ERG: variants seen among roughly 807,000 people sequenced by gnomAD.
ERG encodes transcriptional regulator ERG.
ERG carries 9 observed loss-of-function variants against 55.3 expected under a neutral mutation model. The observed-to-expected ratio is 0.16, with a 90% CI of 0.10 to 0.28. ERG has a LOEUF of 0.28. Ranked by LOEUF, ERG falls within the 10% of genes least tolerant of loss-of-function variation. The pLI, the probability that ERG is intolerant of heterozygous loss-of-function variation, is 1.00. For synonymous variants in ERG, 223 were observed against 237.3 expected, an observed-to-expected ratio of 0.94 and a Z score of 0.55; for missense variants, 434 against 631.6, an observed-to-expected ratio of 0.69 and a Z score of 3.35.
chr21:38,590,053 C>T (rs1359235518), intron 1 of ERG, among the ~76,000 whole-genome samples: 1 of 152,166 alleles, frequency 6.6e-6, no homozygotes, highest in Non-Finnish European at 1.5e-5. Flanking sequence ...TAGCTCAGCT[C>T]ATAGATCTCC....
chr21:38,524,227 T>C (rs1418204396), intron 2 of ERG, among the ~76,000 whole-genome samples: 11 of 152,186 alleles, frequency 7.2e-5, no homozygotes, highest in African/African-American at 2.7e-4. Context: ...CACATTTAAT[T>C]ACAGTGTCAA....
intron 1 of ERG, among the ~76,000 whole-genome samples, chr21:38,613,432 A>G (rs368532640): frequency 6.6e-6 from 1 of 152,334 alleles, no homozygotes; most frequent in East Asian, 1.9e-4. Flanking sequence ...AACTACTGTG[A>G]AAAGCAGTCC....
At chr21:38,378,884 C>T (rs187844158), downstream of ERG, among the ~76,000 whole-genome samples, 55 of 152,304 alleles carry the variant, frequency 3.6e-4, no homozygotes, top group African/African-American at 1.2e-3. Context: ...GCACCTCTTA[C>T]GCTGCAGAGC....
At chr21:38,510,691 T>G (rs1396020638) in intron 2 of ERG, among the ~76,000 whole-genome samples, 1 of 152,192 alleles carries the variant, frequency 6.6e-6, no homozygotes, top group Non-Finnish European at 1.5e-5. Context: ...CCATGGAAGT[T>G]GAGGCTAATC....
intron 2 of ERG, among the ~76,000 whole-genome samples, chr21:38,574,878 T>C (rs534848836): frequency 6.6e-6 from 1 of 152,370 alleles, no homozygotes; most frequent in Admixed American, 6.5e-5. Flanking sequence ...AGCACAGGTG[T>C]AGACAGCCTG....
chr21:38,487,027 C>T (rs373141640), intron 1 of ERG, among the ~76,000 whole-genome samples: 22 of 151,746 alleles, frequency 1.4e-4, no homozygotes, highest in East Asian at 1.4e-3. Flanking sequence ...CAGGGACCTG[C>T]GGTCTGGATC....
intron 1 of ERG, among the ~76,000 whole-genome samples, chr21:38,450,109 G>T (rs1601419269): frequency 6.6e-6 from 1 of 151,764 alleles, no homozygotes; most frequent in African/African-American, 2.4e-5. Flanking sequence ...AAAAAATCTT[G>T]GTTCGGGCAT....
chr21:38,455,917 G>A (rs1475224823), intron 1 of ERG, among the ~76,000 whole-genome samples: 3 of 147,002 alleles, frequency 2.0e-5, no homozygotes, highest in Non-Finnish European at 4.5e-5. Flanking sequence ...CAACATGCAC[G>A]TGCCAGGATG....
chr21:38,386,065 G>A (rs1028229611), intron 9 of ERG, among the ~76,000 whole-genome samples: 7 of 152,166 alleles, frequency 4.6e-5, no homozygotes, highest in South Asian at 2.1e-4. Flanking sequence ...TCTTATAAAC[G>A]TGTGTAGGAC....
intron 1 of ERG, among the ~76,000 whole-genome samples, chr21:38,643,282 A>G (rs1310683594): frequency 1.3e-5 from 2 of 152,198 alleles, no homozygotes; most frequent in African/African-American, 4.8e-5. Context: ...ACTACCTATA[A>G]TGGAAGATTT....
intron 2 of ERG, among the ~76,000 whole-genome samples, chr21:38,573,557 G>A (rs1323003404): frequency 1.3e-5 from 2 of 152,194 alleles, no homozygotes; most frequent in East Asian, 1.9e-4. Flanking sequence ...TCTGGCCTAT[G>A]TGCACATCCA....
intron 1 of ERG, among the ~76,000 whole-genome samples, chr21:38,461,504 C>T (rs2059042291): frequency 6.6e-6 from 1 of 152,190 alleles, no homozygotes. Flanking sequence ...TTCTTCACTG[C>T]TGTATCTCCC....
At chr21:38,606,647 A>G (rs1161019505) in intron 1 of ERG, among the ~76,000 whole-genome samples, 1 of 152,222 alleles carries the variant, frequency 6.6e-6, no homozygotes, top group Non-Finnish European at 1.5e-5. Flanking sequence ...AATTTAAACC[A>G]TAATAAAAAG....
intron 1 of ERG, among the ~76,000 whole-genome samples, chr21:38,596,055 TTGG>T (rs147813814): frequency 0.26 from 26,568 of 103,540 alleles, 3,146 homozygotes; most frequent in East Asian, 0.41. Context: ...TGGTGTGGGA[TTGG>T]GGGGGGGGGG....
intron 1 of ERG, among the ~76,000 whole-genome samples, chr21:38,470,304 T>C (rs2059128205): frequency 6.6e-6 from 1 of 152,054 alleles, no homozygotes; most frequent in Admixed American, 6.6e-5. Context: ...CTGGAGTTAA[T>C]TGAATTAAAG....
At chr21:38,649,653 T>G (rs1475442920) in intron 1 of ERG, among the ~76,000 whole-genome samples, 2 of 152,216 alleles carry the variant, frequency 1.3e-5, no homozygotes, top group African/African-American at 4.8e-5. Context: ...GAAACTGCAA[T>G]GCTTGAATGC....
At chr21:38,642,767 T>C (rs1240989230) in intron 1 of ERG, among the ~76,000 whole-genome samples, 2 of 152,168 alleles carry the variant, frequency 1.3e-5, no homozygotes, top group African/African-American at 4.8e-5. Context: ...TCAGCATCAT[T>C]GGTCAAAGGT....
intron 2 of ERG, among the ~76,000 whole-genome samples, chr21:38,444,052 T>G (rs2058866265): frequency 6.6e-6 from 1 of 152,246 alleles, no homozygotes; most frequent in African/African-American, 2.4e-5. Context: ...ACGTCCAGCC[T>G]TGCCGTTGAC....
rs113490320 is a variant in ERG at position 38,651,786 on chromosome 21, C to T, written c.-150+9872G>A. Among the ~76,000 whole-genome samples, 276 of 152,334 alleles carry T rather than the reference C, an allele frequency of 1.8e-3. 1 individual carries two copies. Among genetic ancestry groups the T allele is most frequent in the African/African-American group, 6.2e-3 (257 of 41,580 alleles). On this transcript the variant is annotated intron_variant, in intron 1 of 10. Coordinates refer to the ERG transcript ENST00000398910. Reference sequence around the variant, plus strand: ...CCCGCCACTCTGACCAAGATAACTACACACAGCAGAGTCCCATGGGTGGAT... The same window carrying T: ...CCCGCCACTCTGACCAAGATAACTATACACAGCAGAGTCCCATGGGTGGAT...
Sources: allele counts gnomAD v4.1 joint callset (sites outside exome capture counted in the v4.1 genomes callset), GRCh38; gene constraint gnomAD v4.1.1; transcripts MANE v1.5; gene names NCBI Gene and HGNC (gene_info 2026-07-23, HGNC 2026-07-21).